Variants in CHSY3 observed in about 807,000 individuals in gnomAD.
The protein encoded by CHSY3 is N-acetylgalactosaminyl-proteoglycan 3-beta-glucuronosyltransferase 3.
CHSY3 carries 35 observed loss-of-function variants against 67.2 expected under a neutral mutation model. The observed-to-expected ratio is 0.52, with a 90% CI of 0.40 to 0.69. The LOEUF (loss-of-function observed/expected upper bound fraction) is 0.69. CHSY3 is among the 30% of genes least tolerant of loss of function. The probability of loss-of-function intolerance (pLI) is 0.00; values close to 1 mark genes in which losing one functional copy is unlikely to be tolerated. For missense variants in CHSY3, 1,069 were observed against 1,138.5 expected, an observed-to-expected ratio of 0.94 and a Z score of 0.88; for synonymous variants, 474 against 434.7, an observed-to-expected ratio of 1.09 and a Z score of -1.12.
intron 2 of CHSY3, among the ~76,000 whole-genome samples, chr5:129,954,214 C>A (rs147326913): frequency 0.01 from 1,568 of 152,238 alleles, 21 homozygotes; most frequent in African/African-American, 0.036. Flanking sequence ...CCAGTTTTCC[C>A]AACACCAGTG....
chr5:130,050,223 C>T (rs1439287171), intron 2 of CHSY3, among the ~76,000 whole-genome samples: 6 of 152,064 alleles, frequency 3.9e-5, no homozygotes, highest in African/African-American at 1.4e-4. Flanking sequence ...AAAATCCTGG[C>T]AGTTGTATGT....
At chr5:130,122,779 T>A (rs913743919) in intron 2 of CHSY3, among the ~76,000 whole-genome samples, 5 of 152,226 alleles carry the variant, frequency 3.3e-5, no homozygotes, top group African/African-American at 1.2e-4. Context: ...ATAAGCTTGT[T>A]AAAGCCTAAG....
chr5:130,070,454 C>T (rs1007004878), intron 2 of CHSY3, among the ~76,000 whole-genome samples: 5 of 152,212 alleles, frequency 3.3e-5, no homozygotes, highest in South Asian at 4.1e-4. Context: ...GAATCCACCA[C>T]GTCCAGCTTT....
intron 2 of CHSY3, among the ~76,000 whole-genome samples, chr5:129,925,966 G>A (rs1406782400): frequency 6.6e-6 from 1 of 151,946 alleles, no homozygotes; most frequent in Admixed American, 6.6e-5. Context: ...GGGCAGTTAT[G>A]GATATTCTTT....
rs745843789 is a variant in CHSY3 at position 129,998,736 on chromosome 5, A to AT, written c.1086+90385dup. On this transcript the variant is annotated intron_variant, in intron 2 of 2. Transcript: ENST00000305031. ...GGCTTAAGATCTTTCAAATCTATGT[A>AT]TTTTTTTTTGCCCAGTTTTCTTTTA... Among the ~76,000 whole-genome samples, 364 of 150,248 alleles carry AT rather than the reference A, an allele frequency of 2.4e-3. 3 individuals carry two copies. The highest frequency in any genetic ancestry group is 7.8e-3 in the East Asian group (40 of 5,120).
intron 2 of CHSY3, among the ~76,000 whole-genome samples, chr5:130,031,416 A>G (rs1162386214): frequency 6.6e-6 from 1 of 152,180 alleles, no homozygotes; most frequent in East Asian, 1.9e-4. Context: ...CACTGTGTGC[A>G]CAAAATATTT....
intron 2 of CHSY3, among the ~76,000 whole-genome samples, chr5:129,981,483 T>C (rs1034703701): frequency 2.6e-5 from 4 of 152,048 alleles, no homozygotes; most frequent in African/African-American, 9.7e-5. Flanking sequence ...TTTTATTTCT[T>C]TCTTCCAAAT....
At chr5:130,083,352 T>G (rs1223499616) in intron 2 of CHSY3, among the ~76,000 whole-genome samples, 1 of 152,076 alleles carries the variant, frequency 6.6e-6, no homozygotes, top group Non-Finnish European at 1.5e-5. Flanking sequence ...GCATCTTTTT[T>G]CACTGGATCC....
At chr5:130,178,176 T>G (rs1270701371) in intron 2 of CHSY3, among the ~76,000 whole-genome samples, 1 of 127,798 alleles carries the variant, frequency 7.8e-6, no homozygotes. Flanking sequence ...TATGTATATA[T>G]ATGTGTGTGT....
intron 2 of CHSY3, among the ~76,000 whole-genome samples, chr5:130,163,148 G>A (rs1769609876): frequency 6.6e-6 from 1 of 152,016 alleles, no homozygotes; most frequent in African/African-American, 2.4e-5. Flanking sequence ...TAATGTCTAA[G>A]TTAGTTATCA....
intron 2 of CHSY3, among the ~76,000 whole-genome samples, chr5:130,159,182 T>TTTTG (rs60016160): frequency 8.2e-6 from 1 of 122,376 alleles, no homozygotes. Context: ...TTTTTTTTTT[T>TTTTG]GAGACAGGAT....
At chr5:130,103,462 G>A (rs1028189163) in intron 2 of CHSY3, among the ~76,000 whole-genome samples, 2 of 151,916 alleles carry the variant, frequency 1.3e-5, no homozygotes, top group Non-Finnish European at 2.9e-5. Context: ...TTCTCTTTAT[G>A]TGCTGCAGTT....
chr5:129,966,101 G>T (rs1020623644), intron 2 of CHSY3, among the ~76,000 whole-genome samples: 1 of 151,742 alleles, frequency 6.6e-6, no homozygotes, highest in Admixed American at 6.6e-5. Context: ...GGCTGTTAGA[G>T]AAAAAGCACC....
chr5:130,119,534 T>C (rs1767936557), intron 2 of CHSY3, among the ~76,000 whole-genome samples: 1 of 152,112 alleles, frequency 6.6e-6, no homozygotes, highest in African/African-American at 2.4e-5. Context: ...CCTCTCCCAC[T>C]GGCAGCAGCA....
chr5:130,098,935 T>TA (rs1401250564), intron 2 of CHSY3, among the ~76,000 whole-genome samples: 1 of 152,162 alleles, frequency 6.6e-6, no homozygotes, highest in Non-Finnish European at 1.5e-5. Flanking sequence ...AATTTTTCCC[T>TA]AAAAAATGCC....
intron 2 of CHSY3, among the ~76,000 whole-genome samples, chr5:130,069,904 T>A (rs1165625454): frequency 6.6e-6 from 1 of 152,130 alleles, no homozygotes; most frequent in Non-Finnish European, 1.5e-5. Flanking sequence ...TTTGATAATT[T>A]TCATATCTCA....
At chr5:130,076,307 CT>C (rs1466369807) in intron 2 of CHSY3, among the ~76,000 whole-genome samples, 3 of 149,802 alleles carry the variant, frequency 2.0e-5, no homozygotes, top group African/African-American at 7.3e-5. Flanking sequence ...AATCTTTTTT[CT>C]TTCTTTTTTT....
rs200783230 is a variant in CHSY3, at chr5:130,184,357, G to A, written c.1215G>A (p.Leu405=). ...AAAGGCCTGCATACCAATACAGGCT[G>A]CATAATTACATGCTCAGCCGCAAAA... is the stretch of plus-strand genomic sequence containing the variant. ...PNKRPAYQYR[L]HNYMLSRKIS... is the part of the protein sequence containing the mutation. Residue 405 remains leucine, a synonymous_variant, in exon 3 of 3, where the codon CTG becomes CTA. Coordinates refer to ENST00000305031, the MANE Select transcript of CHSY3 (RefSeq NM_175856.5). The A allele has an allele frequency of 8.7e-5, 140 of 1,614,058 alleles. No homozygotes were observed. The highest frequency in any genetic ancestry group is 1.1e-4 in the Non-Finnish European group (129 of 1,179,930).
At chr5:130,072,489 G>A (rs1488668475) in intron 2 of CHSY3, among the ~76,000 whole-genome samples, 2 of 152,014 alleles carry the variant, frequency 1.3e-5, no homozygotes, top group Non-Finnish European at 1.5e-5. Flanking sequence ...GTTTGTTTCT[G>A]GGCTTTCTAT....
Sources: allele counts gnomAD v4.1 joint callset (sites outside exome capture counted in the v4.1 genomes callset), GRCh38; gene constraint gnomAD v4.1.1; transcripts MANE v1.5; gene names NCBI Gene and HGNC (gene_info 2026-07-23, HGNC 2026-07-21).